The following RAF1 variants were observed in gnomAD, a reference collection of about 807,000 sequenced individuals.
RAF1 encodes Raf-1 proto-oncogene, serine/threonine kinase, also known as RAF proto-oncogene serine/threonine-protein kinase.
RAF1 carries 27 observed loss-of-function variants against 81.1 expected under a neutral mutation model. That is an observed-to-expected ratio of 0.33 (90% CI 0.25 to 0.46). The LOEUF is 0.46. RAF1 is among the 20% of genes least tolerant of loss of function. RAF1 has a pLI of 1.00. For missense variants in RAF1, 598 were observed against 826.0 expected, an observed-to-expected ratio of 0.72 and a Z score of 3.38; for synonymous variants, 298 against 294.0, an observed-to-expected ratio of 1.01 and a Z score of -0.14.
At chr3:12,587,424 A>G in intron 14 of RAF1, 167 bp downstream of exon 13, 1 of 728,132 alleles carries the variant, frequency 1.4e-6, no homozygotes, top group South Asian at 1.6e-5. Context: ...CTGCTGAGGG[A>G]CAGGCCAAGC....
chr3:12,604,209 C>G lies in RAF1; in HGVS notation c.761G>C (p.Arg254Thr), dbSNP rs1368157189. The change falls in exon 7 of 18, where the codon AGG becomes ACG. Residue 254 changes from arginine to threonine, a missense_variant. Coordinates refer to ENST00000442415, the MANE Select transcript of RAF1 (RefSeq NM_001354689.3). ...ATTAGGTGTGGATGTCGACCTCTGCCTCTGGGAGAGGGAACCTTCAGATGA... is the reference window on the plus strand; with the variant it reads ...ATTAGGTGTGGATGTCGACCTCTGCGTCTGGGAGAGGGAACCTTCAGATGA... 1 of 1,614,176 alleles carries G rather than the reference C, an allele frequency of 6.2e-7. No homozygotes were observed. Among genetic ancestry groups the G allele is most frequent in the South Asian group, 1.1e-5 (1 of 91,082 alleles).
intron 14 of RAF1, 124 bp downstream of exon 13, chr3:12,587,467 C>T: frequency 1.0e-6 from 1 of 963,204 alleles, no homozygotes; most frequent in Non-Finnish European, 1.7e-6. Flanking sequence ...GTTTTCCTGT[C>T]CTCTGCCTCT....
intron 1 of RAF1, among the ~76,000 whole-genome samples, chr3:12,623,654 C>T (rs899684904): frequency 2.4e-4 from 37 of 151,790 alleles, no homozygotes; most frequent in African/African-American, 8.2e-4. Flanking sequence ...ATTAGCCGGG[C>T]GTGGTGGTGG....
At chr3:12,606,879 C>CG (rs1462962324) in intron 5 of RAF1, among the ~76,000 whole-genome samples, 1 of 151,878 alleles carries the variant, frequency 6.6e-6, no homozygotes, top group African/African-American at 2.4e-5. Context: ...TTAGCAGAGA[C>CG]GGGGTTTCAC....
chr3:12,618,240 G>A (rs1203503107), intron 2 of RAF1, among the ~76,000 whole-genome samples: 5 of 152,130 alleles, frequency 3.3e-5, no homozygotes, highest in Non-Finnish European at 5.9e-5. Context: ...AAAAGTCTTT[G>A]AAATATACCC....
rs1375650636 is a variant in RAF1 at position 12,618,558 on chromosome 3, C to A, written c.164G>T (p.Ser55Ile). The change falls in exon 2 of 18, where the codon AGC (serine) becomes ATC (isoleucine). Residue 55 changes from serine to isoleucine, a missense_variant. Ser to Ile is a moderately radical substitution (Grantham distance 142, BLOSUM62 -2). Coordinates refer to ENST00000442415, the MANE Select transcript of RAF1 (RefSeq NM_001354689.3). ...CGGCAAGAAAACACGGATAGTGTTG[C>A]TTGTCTTAGAAGGATCTGTGAGTTT... is the stretch of plus-strand genomic sequence containing the variant. 6.2e-7 allele frequency: 1 copy of A among 1,614,046 alleles called. No homozygotes were observed. Among genetic ancestry groups the A allele is most frequent in the African/African-American group, 1.3e-5 (1 of 74,914 alleles).
chr3:12,607,948 CCAAAAAAAAAAA>C (rs2059088909), intron 5 of RAF1, among the ~76,000 whole-genome samples: 1 of 32,658 alleles, frequency 3.1e-5, no homozygotes, highest in African/African-American at 1.2e-4. Context: ...AGACTTGTCT[CCAAAAAAAAAAA>C]AAAAAAAAAA....
intron 1 of RAF1, among the ~76,000 whole-genome samples, chr3:12,636,517 C>T (rs62240817): frequency 3.0e-4 from 45 of 149,500 alleles, no homozygotes; most frequent in Admixed American, 2.7e-3. Context: ...GGGACATTTG[C>T]TACACTGGCT....
Position 12,584,254 on chromosome 3 carries a change from A to G in RAF1, c.*260T>C. On this transcript the variant is annotated 3_prime_UTR_variant, in exon 18 of 18. Coordinates refer to ENST00000442415, the MANE Select transcript of RAF1 (RefSeq NM_001354689.3). ...ACCATCAACATCCACTTGCGCATCT[A>G]CAGAAGGCTGGGCCTTGAGCATGGG... is the stretch of plus-strand genomic sequence containing the variant. 3 of 528,086 alleles carry G rather than the reference A, an allele frequency of 5.7e-6. No homozygotes were observed. The highest frequency in any genetic ancestry group is 1.0e-5 in the Non-Finnish European group (3 of 291,158). 32.7% of individuals were successfully genotyped at this position (528,086 alleles called of 1,614,324 possible). A position where few individuals can be genotyped will look rare whatever the true frequency, so the allele number is the denominator to read the frequency against.
At chr3:12,601,042 G>A (rs1267801117) in intron 8 of RAF1, among the ~76,000 whole-genome samples, 1 of 152,176 alleles carries the variant, frequency 6.6e-6, no homozygotes, top group Non-Finnish European at 1.5e-5. Flanking sequence ...CCAGGGTGGG[G>A]AGGTGGATTC....
intron 5 of RAF1, 108 bp downstream of exon 5, chr3:12,608,658 A>T: frequency 8.0e-7 from 1 of 1,256,270 alleles, no homozygotes; most frequent in South Asian, 1.2e-5. Context: ...ACAATTCATT[A>T]AATGAGTCTA....
At chr3:12,623,082 G>GAT (rs1462652662) in intron 1 of RAF1, among the ~76,000 whole-genome samples, 1 of 151,874 alleles carries the variant, frequency 6.6e-6, no homozygotes, top group Admixed American at 6.6e-5. Context: ...TTTTTATATA[G>GAT]ATATATATTT....
intron 1 of RAF1, among the ~76,000 whole-genome samples, chr3:12,650,130 T>G (rs1318332058): frequency 4.2e-5 from 5 of 118,848 alleles, no homozygotes; most frequent in Admixed American, 3.6e-4. Flanking sequence ...CGGGAGACAG[T>G]GCGAGACTCC....
chr3:12,630,453 T>A (rs2125494939), intron 1 of RAF1, among the ~76,000 whole-genome samples: 1 of 152,230 alleles, frequency 6.6e-6, no homozygotes, highest in Non-Finnish European at 1.5e-5. Context: ...CACAGTAAAT[T>A]CCATGATAGT....
intron 1 of RAF1, among the ~76,000 whole-genome samples, chr3:12,633,936 A>C (rs971471593): frequency 3.3e-5 from 3 of 91,402 alleles, no homozygotes; most frequent in African/African-American, 1.5e-4. Flanking sequence ...AACTCTCTCA[A>C]AAAAAAAAAA....
Position 12,618,602 on chromosome 3 carries a change from G to A in RAF1, c.120C>T (p.Arg40=), listed in dbSNP as rs1356157276. 3 of 1,614,164 alleles carry A rather than the reference G, an allele frequency of 1.9e-6. No individual in the cohort carries two copies. The highest frequency in any genetic ancestry group is 1.3e-5 in the African/African-American group (1 of 75,050). ...TGAGTTTGCCATCATCTGATGCCCG[G>A]CGCTGATAGCCAAACTGCTGAACTA... is the stretch of plus-strand genomic sequence containing the variant. Residue 40 remains arginine, a synonymous_variant, in exon 2 of 18, where the codon CGC becomes CGT. Transcript: ENST00000442415.
At chr3:12,618,409 CCTAAATGACAAT>C in intron 2 of RAF1, 94 bp downstream of exon 2, 1 of 1,220,526 alleles carries the variant, frequency 8.2e-7, no homozygotes, top group Non-Finnish European at 1.2e-6. Flanking sequence ...AAATAAAGAC[CCTAAATGACAAT>C]GAATATTTTG....
intron 2 of RAF1, among the ~76,000 whole-genome samples, chr3:12,613,464 A>AT (rs1163029679): frequency 6.7e-6 from 1 of 150,236 alleles, no homozygotes; most frequent in Non-Finnish European, 1.5e-5. Context: ...GTGTATGCAT[A>AT]TATCTACCTA....
chr3:12,633,946 A>AAC (rs1559467498), intron 1 of RAF1, among the ~76,000 whole-genome samples: 2 of 151,712 alleles, frequency 1.3e-5, no homozygotes, highest in Non-Finnish European at 2.9e-5. Flanking sequence ...AAAAAAAAAA[A>AAC]AAAAACAAAA....
Sources: gnomAD v4.1 joint callset for allele counts (sites outside exome capture counted in the v4.1 genomes callset) on GRCh38, gnomAD v4.1.1 for gene constraint, MANE v1.5 for transcripts, NCBI Gene and HGNC (gene_info 2026-07-23, HGNC 2026-07-21) for gene names.